Variants in ABCB5 observed in about 807,000 individuals in gnomAD.
ABCB5 encodes the protein ATP-binding cassette sub-family B member 5.
Under a neutral mutation model 144.2 loss-of-function variants are expected in ABCB5, and 155 were observed. That is an observed-to-expected ratio of 1.08 (90% CI 0.94 to 1.23). The LOEUF (loss-of-function observed/expected upper bound fraction) is 1.23, where lower values mean the gene tolerates loss of function less well. Ranked by LOEUF, ABCB5 falls within the 50% of genes most tolerant of loss-of-function variation. ABCB5 has a pLI of 0.00. For synonymous variants in ABCB5, 610 were observed against 528.6 expected, an observed-to-expected ratio of 1.15 and a Z score of -2.11; for missense variants, 1,830 against 1,520.8, an observed-to-expected ratio of 1.20 and a Z score of -3.38.
chr7:20,724,082 C>T (rs1239722745), intron 21 of ABCB5, among the ~76,000 whole-genome samples: 5 of 152,200 alleles, frequency 3.3e-5, no homozygotes, highest in Middle Eastern at 3.2e-3. Context: ...CGTCCATCCC[C>T]ATCTCCTACC....
Position 20,645,712 on chromosome 7 carries a change from A to G in ABCB5, c.679-44A>G, listed in dbSNP as rs531288225. On this transcript the variant is annotated intron_variant, in intron 7 of 27. Transcript: ENST00000404938. ...TGACTTAAATGTTCAGAACATTATT[A>G]CTACACAGAGTCATTTTTTAACTGT... 3.1e-6 allele frequency: 5 copies of G among 1,608,464 alleles called. No individual in the cohort carries two copies. The South Asian group carries it at 5.5e-5, about 18-fold the overall frequency.
Position 20,723,033 on chromosome 7 carries a change from T to G in ABCB5, c.2439T>G (p.Ile813Met), listed in dbSNP as rs1781924147. Residue 813 changes from isoleucine (I) to methionine (M), a missense_variant, in exon 21 of 28, where the codon ATT (isoleucine) becomes ATG (methionine). Transcript: ENST00000404938. ...GATTATAGGCAACAGGTTCCAGGAT[T>G]GGCGTCTTAACACAAAATGCAACTA... The part of the protein sequence containing the change: ...AQIQGATGSR[I>M]GVLTQNATNM... The G allele has an allele frequency of 6.2e-7, 1 of 1,614,028 alleles. No individual in the cohort carries two copies. The highest frequency in any genetic ancestry group is 1.7e-5 in the Admixed American group (1 of 59,996).
intron 23 of ABCB5, among the ~76,000 whole-genome samples, chr7:20,736,467 CG>C (rs1782382433): frequency 1.3e-5 from 2 of 152,270 alleles, no homozygotes; most frequent in African/African-American, 2.4e-5. Context: ...CCACCCACCT[CG>C]GCCTCCCAAA....
chr7:20,750,752 G>C (rs150083902), intron 26 of ABCB5, among the ~76,000 whole-genome samples: 2 of 151,318 alleles, frequency 1.3e-5, no homozygotes, highest in Non-Finnish European at 2.9e-5. Context: ...TCTGTGTAAC[G>C]GCTCAAACCA....
chr7:20,756,899 C>T lies in ABCB5; in HGVS notation c.*1275C>T, dbSNP rs1783102353. The stretch of plus-strand genomic sequence containing the variant: ...CCATTTACACATTTAGCTAGCCTCC[C>T]TAAAGTGTACTCTACCAATAATTGA... On this transcript the variant is annotated 3_prime_UTR_variant, in exon 28 of 28. Coordinates refer to ENST00000404938, the MANE Select transcript of ABCB5 (RefSeq NM_001163941.2). The T allele has an allele frequency of 6.6e-6, 1 of 152,240 alleles. No individual in the cohort carries two copies. The highest frequency in any genetic ancestry group is 2.1e-4 in the South Asian group (1 of 4,818). The allele number at this position is 152,240 out of a possible 1,614,324, so 9.4% of individuals were successfully genotyped here. A position where few individuals can be genotyped will look rare whatever the true frequency, so the allele number is the denominator to read the frequency against.
At chr7:20,724,125 T>A (rs1417176959) in intron 21 of ABCB5, among the ~76,000 whole-genome samples, 1 of 152,188 alleles carries the variant, frequency 6.6e-6, no homozygotes. Flanking sequence ...AGTACATTAC[T>A]TTCCCAGGCT....
chr7:20,623,696 T>A (rs1397514992), intron 2 of ABCB5, among the ~76,000 whole-genome samples: 3 of 152,192 alleles, frequency 2.0e-5, no homozygotes, highest in African/African-American at 7.2e-5. Context: ...GTACCTTTAA[T>A]AAAAGAAAAT....
intron 14 of ABCB5, among the ~76,000 whole-genome samples, chr7:20,679,074 T>G (rs1409405878): frequency 6.6e-6 from 1 of 152,062 alleles, no homozygotes; most frequent in Non-Finnish European, 1.5e-5. Context: ...AAAGATTTCT[T>G]AAAACTACAC....
At chr7:20,634,519 T>C (rs1374875443) in intron 5 of ABCB5, among the ~76,000 whole-genome samples, 1 of 152,084 alleles carries the variant, frequency 6.6e-6, no homozygotes, top group Non-Finnish European at 1.5e-5. Context: ...CCCCCAATAG[T>C]GTATAAGTGT....
chr7:20,627,556 ATGATT>A (rs1783937199), intron 3 of ABCB5, among the ~76,000 whole-genome samples: 1 of 152,090 alleles, frequency 6.6e-6, no homozygotes, highest in Non-Finnish European at 1.5e-5. Flanking sequence ...AATTTTGCTC[ATGATT>A]TGGTTTTGGA....
intron 19 of ABCB5, among the ~76,000 whole-genome samples, chr7:20,702,779 A>G (rs1474920803): frequency 1.3e-5 from 2 of 148,850 alleles, no homozygotes; most frequent in South Asian, 4.2e-4. Context: ...CTCATGCCTC[A>G]GCCTCCTGAG....
intron 14 of ABCB5, chr7:20,659,033 G>A: frequency 3.7e-6 from 6 of 1,606,002 alleles, no homozygotes; most frequent in Non-Finnish European, 5.1e-6. Context: ...TACACCTGTG[G>A]GATTCTCTTC....
intron 26 of ABCB5, among the ~76,000 whole-genome samples, chr7:20,748,132 G>T (rs182331065): frequency 6.6e-6 from 1 of 152,172 alleles, no homozygotes; most frequent in Non-Finnish European, 1.5e-5. Context: ...CTGAAGGGAC[G>T]GAAAGGGTTC....
At chr7:20,711,487 G>A (rs1490587555) in intron 20 of ABCB5, among the ~76,000 whole-genome samples, 7 of 142,662 alleles carry the variant, frequency 4.9e-5, no homozygotes, top group Non-Finnish European at 9.1e-5. Context: ...TTTGAGACAC[G>A]GTCTCACTCT....
chr7:20,677,776 T>C (rs2128037777), intron 14 of ABCB5, among the ~76,000 whole-genome samples: 1 of 152,320 alleles, frequency 6.6e-6, no homozygotes, highest in African/African-American at 2.4e-5. Context: ...TTTGCCCCTC[T>C]TTCTACCTAG....
chr7:20,646,388 A>C (rs1784411428), intron 9 of ABCB5, among the ~76,000 whole-genome samples: 1 of 152,204 alleles, frequency 6.6e-6, no homozygotes, highest in African/African-American at 2.4e-5. Context: ...ATCATAATTG[A>C]ATTCCCCACT....
intron 20 of ABCB5, among the ~76,000 whole-genome samples, chr7:20,715,015 T>G (rs1781625524): frequency 6.6e-6 from 1 of 152,072 alleles, no homozygotes; most frequent in Admixed American, 6.5e-5. Flanking sequence ...TCAGCATGCT[T>G]TTTGTCTTTA....
chr7:20,664,569 A>G (rs539755543), intron 14 of ABCB5, among the ~76,000 whole-genome samples: 1 of 152,366 alleles, frequency 6.6e-6, no homozygotes, highest in Admixed American at 6.5e-5. Flanking sequence ...GAAAATGCCT[A>G]TAGAAGATAC....
At chr7:20,703,045 T>C (rs751875861) in intron 19 of ABCB5, among the ~76,000 whole-genome samples, 4 of 152,116 alleles carry the variant, frequency 2.6e-5, no homozygotes. Context: ...CATCAGATAA[T>C]GACTAAGATT....
Sources: allele counts gnomAD v4.1 joint callset (sites outside exome capture counted in the v4.1 genomes callset), GRCh38; gene constraint gnomAD v4.1.1; transcripts MANE v1.5; gene names NCBI Gene and HGNC (gene_info 2026-07-23, HGNC 2026-07-21).